IL12RB2: variants seen among roughly 807,000 people sequenced by gnomAD.
IL12RB2 encodes the protein interleukin-12 receptor subunit beta-2.
A neutral mutation model predicts 89.4 loss-of-function variants in IL12RB2; 82 were observed. That is an observed-to-expected ratio of 0.92 (90% CI 0.77 to 1.10). The LOEUF (loss-of-function observed/expected upper bound fraction) is 1.10, where lower values mean the gene tolerates loss of function less well. IL12RB2 is among the 50% of genes least tolerant of loss of function. The pLI, the probability that IL12RB2 is intolerant of heterozygous loss-of-function variation, is 0.00. For missense variants in IL12RB2, 963 were observed against 1,031.9 expected (o/e 0.93, Z 0.92); for synonymous variants, 368 against 370.1 (o/e 0.99, Z 0.07).
intron 9 of IL12RB2, among the ~76,000 whole-genome samples, chr1:67,349,244 G>T (rs1660566724): frequency 6.6e-6 from 1 of 152,148 alleles, no homozygotes; most frequent in Non-Finnish European, 1.5e-5. Flanking sequence ...AAGCCTCTTG[G>T]GTCCCTGGCC....
chr1:67,315,255 A>G (rs1337078407), intron 2 of IL12RB2, among the ~76,000 whole-genome samples: 2 of 152,108 alleles, frequency 1.3e-5, no homozygotes, highest in African/African-American at 2.4e-5. Flanking sequence ...ATATGAAAAC[A>G]TATTTCATAT....
chr1:67,322,889 C>T (rs987582732), intron 4 of IL12RB2, among the ~76,000 whole-genome samples: 8 of 152,200 alleles, frequency 5.3e-5, no homozygotes, highest in African/African-American at 1.7e-4. Context: ...TGGCCCATAG[C>T]CTTGCAGGTC....
chr1:67,312,308 C>G (rs1019777260), intron 1 of IL12RB2, among the ~76,000 whole-genome samples: 2 of 152,158 alleles, frequency 1.3e-5, no homozygotes, highest in South Asian at 4.1e-4. Context: ...TTATTGAACA[C>G]TTGCCATGAA....
At chr1:67,366,579 GA>G (rs1287692009) in intron 10 of IL12RB2, among the ~76,000 whole-genome samples, 1 of 151,948 alleles carries the variant, frequency 6.6e-6, no homozygotes, top group Non-Finnish European at 1.5e-5. Context: ...TATTGGTGGA[GA>G]AATGAGAGCC....
At chr1:67,332,751 G>T (rs1217154202) in intron 8 of IL12RB2, among the ~76,000 whole-genome samples, 1 of 152,148 alleles carries the variant, frequency 6.6e-6, no homozygotes, top group Non-Finnish European at 1.5e-5. Flanking sequence ...TTATATCCAA[G>T]TTCAAGGTAG....
In IL12RB2 at chr1:67,375,691, G is replaced by A. The variant is rs556858611; in HGVS notation, c.1717+2908G>A. The stretch of plus-strand genomic sequence containing the variant: ...AAAATGAAGGACCTGCCTTGGCAGA[G>A]GAGGGTAAGGTGTAGAGCCAGGGAG... On this transcript the variant is annotated intron_variant, in intron 13 of 16. Transcript: ENST00000674203. Among the ~76,000 whole-genome samples the A allele has an allele frequency of 7.2e-4, 109 of 152,288 alleles. 1 individual carries two copies. The highest frequency in any genetic ancestry group is 2.6e-3 in the African/African-American group (109 of 41,560).
intron 16 of IL12RB2, among the ~76,000 whole-genome samples, chr1:67,392,740 C>T (rs1199518334): frequency 4.1e-5 from 6 of 147,564 alleles, no homozygotes; most frequent in African/African-American, 1.5e-4. Context: ...ACACCATTCT[C>T]CTGCCTCAGT....
At chr1:67,382,903 T>C (rs1210745506) in intron 14 of IL12RB2, among the ~76,000 whole-genome samples, 1 of 152,116 alleles carries the variant, frequency 6.6e-6, no homozygotes, top group East Asian at 1.9e-4. Flanking sequence ...TTGTGCCTTT[T>C]GCAAAACCTT....
At chr1:67,361,430 G>A (rs917775771) in intron 10 of IL12RB2, among the ~76,000 whole-genome samples, 1 of 152,142 alleles carries the variant, frequency 6.6e-6, no homozygotes, top group Admixed American at 6.6e-5. Flanking sequence ...TGCAAAAACC[G>A]ATGGACAGGG....
Position 67,372,668 on chromosome 1 carries a change from G to A in IL12RB2, c.1602G>A (p.Lys534=). ...GPHINAITEE[K]GSILISWNSI... ...ACATTAATGCCATCACAGAGGAAAA[G>A]GGGAGCATTTTAATTTCATGGAACA... Residue 534 remains lysine (K), a synonymous_variant, in exon 13 of 17, where the codon AAG becomes AAA. Coordinates refer to ENST00000674203, the MANE Select transcript of IL12RB2 (RefSeq NM_001374259.2). 1 of 1,613,336 alleles carries A rather than the reference G, an allele frequency of 6.2e-7. No homozygotes were observed. Among genetic ancestry groups the A allele is most frequent in the Non-Finnish European group, 8.5e-7 (1 of 1,179,242 alleles).
At chr1:67,347,340 C>T (rs1660350593) in intron 9 of IL12RB2, among the ~76,000 whole-genome samples, 1 of 150,350 alleles carries the variant, frequency 6.7e-6, no homozygotes, top group African/African-American at 2.5e-5. Context: ...AGGGGAAGTT[C>T]AGAAGTAGAG....
intron 9 of IL12RB2, 88 bp downstream of exon 9, chr1:67,338,791 T>G (rs1244036622): frequency 1.3e-6 from 1 of 762,890 alleles, no homozygotes; most frequent in African/African-American, 1.7e-5. Flanking sequence ...TATATGAAGC[T>G]TCAATGATTT....
Position 67,370,647 on chromosome 1 carries a change from C to T in IL12RB2, c.1460-1789C>T, listed in dbSNP as rs116351041. ...GTGGTGGGAAATGAGTCGGAAATTG[C>T]GGCCAGACTCTAGAAAGGAAATAAA... On this transcript the variant is annotated intron_variant, in intron 11 of 16. Transcript: ENST00000674203. Among the ~76,000 whole-genome samples, 524 of 152,138 alleles carry T rather than the reference C, an allele frequency of 3.4e-3. 4 individuals are homozygous for T. Among genetic ancestry groups the T allele is most frequent in the African/African-American group, 0.011 (462 of 41,496 alleles).
intron 1 of IL12RB2, among the ~76,000 whole-genome samples, chr1:67,312,138 T>C (rs1655144768): frequency 6.6e-6 from 1 of 152,192 alleles, no homozygotes; most frequent in South Asian, 2.1e-4. Flanking sequence ...AAGTATGAAG[T>C]TACCTGCCAT....
intron 16 of IL12RB2, among the ~76,000 whole-genome samples, chr1:67,391,641 ATT>A (rs764415306): frequency 2.8e-5 from 4 of 143,740 alleles, no homozygotes. Flanking sequence ...AGGTCGTATG[ATT>A]TTTTTTTTTT....
At chr1:67,376,819 A>G (rs1175274787) in intron 13 of IL12RB2, among the ~76,000 whole-genome samples, 1 of 152,164 alleles carries the variant, frequency 6.6e-6, no homozygotes, top group Non-Finnish European at 1.5e-5. Context: ...ATGCCCTCAC[A>G]GAGTTGGACA....
intron 2 of IL12RB2, among the ~76,000 whole-genome samples, chr1:67,318,335 G>A (rs1656051564): frequency 6.6e-6 from 1 of 152,204 alleles, no homozygotes; most frequent in African/African-American, 2.4e-5. Context: ...GTTTCCAATA[G>A]TGGTGGTGTG....
At chr1:67,394,498 AAAGTATAAGCT>A (rs1666159162) in intron 16 of IL12RB2, among the ~76,000 whole-genome samples, 1 of 152,196 alleles carries the variant, frequency 6.6e-6, no homozygotes, top group Non-Finnish European at 1.5e-5. Flanking sequence ...TTAAGTAACA[AAAGTATAAGCT>A]AATTTTGTCT....
Position 67,351,077 on chromosome 1 carries a change from C to T in IL12RB2, c.1246C>T (p.Leu416=), listed in dbSNP as rs144813810. 1 of 1,612,756 alleles carries T rather than the reference C, an allele frequency of 6.2e-7. No individual in the cohort carries two copies. Among genetic ancestry groups the T allele is most frequent in the African/African-American group, 1.3e-5 (1 of 74,886 alleles). ...GCCCACTCGTATTAACATAATGAAC[C>T]TGTGTGAGGCAGGTAAGTTCTAATT... ...SLPTRINIMN[L]CEAGLLAPRQ... The change falls in exon 10 of 17, where the codon CTG becomes TTG. Residue 416 remains leucine, a synonymous_variant. Transcript: ENST00000674203.
Sources: allele counts gnomAD v4.1 joint callset (sites outside exome capture counted in the v4.1 genomes callset), GRCh38; gene constraint gnomAD v4.1.1; transcripts MANE v1.5; gene names NCBI Gene and HGNC (gene_info 2026-07-23, HGNC 2026-07-21).